The following ABTB3 variants were observed in gnomAD, a reference collection of about 807,000 sequenced individuals.
ABTB3 encodes the protein ankyrin repeat and BTB domain containing 3.
chr12:107,596,538 T>C, the ABTB3 span, among the ~76,000 whole-genome samples: 2 of 151,992 alleles, frequency 1.3e-5, no homozygotes, highest in Non-Finnish European at 2.9e-5. Flanking sequence ...TTGCTTGAAC[T>C]TGGTAGGTGG....
chr12:107,439,593 C>A, the ABTB3 span, among the ~76,000 whole-genome samples: 1 of 152,192 alleles, frequency 6.6e-6, no homozygotes, highest in East Asian at 1.9e-4. Flanking sequence ...CTCTTTTCTC[C>A]CGGCCCAGCA....
the ABTB3 span, among the ~76,000 whole-genome samples, chr12:107,446,658 T>TC: frequency 1.3e-5 from 2 of 152,164 alleles, no homozygotes; most frequent in Non-Finnish European, 1.5e-5. Context: ...CGCATCTGCA[T>TC]CCATCCCCAG....
the ABTB3 span, among the ~76,000 whole-genome samples, chr12:107,332,199 A>C: frequency 6.6e-6 from 1 of 152,146 alleles, no homozygotes; most frequent in South Asian, 2.1e-4. Context: ...TTGCCCTCAC[A>C]TGGGAGTTGG....
chr12:107,491,683 C>T, the ABTB3 span, among the ~76,000 whole-genome samples: 19 of 152,202 alleles, frequency 1.2e-4, no homozygotes, highest in Middle Eastern at 3.4e-3. Flanking sequence ...ATTAACTAGA[C>T]GTGGTGGCAT....
At chr12:107,399,899 C>T in the ABTB3 span, among the ~76,000 whole-genome samples, 29 of 152,278 alleles carry the variant, frequency 1.9e-4, no homozygotes, top group South Asian at 5.4e-3. Flanking sequence ...CATGTGTTCT[C>T]ATTGTTCAAC....
chr12:107,520,624 A>G, the ABTB3 span: 4 of 1,614,202 alleles, frequency 2.5e-6, no homozygotes, highest in South Asian at 4.4e-5. Context: ...CGTAGGCAGC[A>G]TCGCCGAATT....
chr12:107,609,154 CA>C, the ABTB3 span, among the ~76,000 whole-genome samples: 1 of 152,138 alleles, frequency 6.6e-6, no homozygotes, highest in Non-Finnish European at 1.5e-5. Flanking sequence ...TTGCATTTGC[CA>C]CATTGAATTA....
chr12:107,452,202 A>ATTTTTTTTTTTTTTTTTTTTTTTTTT, the ABTB3 span, among the ~76,000 whole-genome samples: 1 of 110,208 alleles, frequency 9.1e-6, no homozygotes, highest in Non-Finnish European at 1.8e-5. Flanking sequence ...GCCCATATGA[A>ATTTTTTTTTTTTTTTTTTTTTTTTTT]TTTTTTTTTT....
At chr12:107,529,001 C>A in the ABTB3 span, among the ~76,000 whole-genome samples, 3 of 137,510 alleles carry the variant, frequency 2.2e-5, no homozygotes, top group South Asian at 2.4e-4. Context: ...ATGGTGATGT[C>A]TGAGATGATG....
chr12:107,617,575 GC>G, the ABTB3 span: 1 of 1,176,404 alleles, frequency 8.5e-7, no homozygotes, highest in Non-Finnish European at 1.2e-6. Flanking sequence ...CCCAGGTCTG[GC>G]CAGAGCGACC....
At chr12:107,579,561 T>C in the ABTB3 span, among the ~76,000 whole-genome samples, 3 of 152,196 alleles carry the variant, frequency 2.0e-5, no homozygotes, top group Non-Finnish European at 4.4e-5. Context: ...ATTATTAACA[T>C]TGGATAAATA....
At chr12:107,431,603 C>T in the ABTB3 span, among the ~76,000 whole-genome samples, 1 of 152,178 alleles carries the variant, frequency 6.6e-6, no homozygotes, top group Non-Finnish European at 1.5e-5. Flanking sequence ...GAGCAAGACT[C>T]TGTCCCCACT....
At chr12:107,564,088 C>CTGTGTGTGTG in the ABTB3 span, among the ~76,000 whole-genome samples, 47 of 138,058 alleles carry the variant, frequency 3.4e-4, no homozygotes, top group East Asian at 1.3e-3. Context: ...CTATCTATCT[C>CTGTGTGTGTG]TCTGTGTGTG....
the ABTB3 span, among the ~76,000 whole-genome samples, chr12:107,615,390 CAG>C: frequency 6.6e-6 from 1 of 152,232 alleles, no homozygotes; most frequent in African/African-American, 2.4e-5. Context: ...GCCTCACACA[CAG>C]AGTGACAGAC....
chr12:107,342,250 T>C, the ABTB3 span, among the ~76,000 whole-genome samples: 1 of 152,016 alleles, frequency 6.6e-6, no homozygotes, highest in Non-Finnish European at 1.5e-5. Flanking sequence ...ATTCCTCATT[T>C]TTTTGGGGGG....
chr12:107,454,907 C>T, the ABTB3 span, among the ~76,000 whole-genome samples: 1 of 152,160 alleles, frequency 6.6e-6, no homozygotes, highest in African/African-American at 2.4e-5. Flanking sequence ...GTGCTGAACA[C>T]CTTATTGTTA....
chr12:107,349,287 C>T, the ABTB3 span, among the ~76,000 whole-genome samples: 1 of 152,180 alleles, frequency 6.6e-6, no homozygotes, highest in South Asian at 2.1e-4. Flanking sequence ...TCATTGTTCT[C>T]TGGAAGCTGG....
chr12:107,371,092 A>G, the ABTB3 span, among the ~76,000 whole-genome samples: 4 of 150,972 alleles, frequency 2.6e-5, no homozygotes, highest in Non-Finnish European at 4.4e-5. Context: ...CTTCCCCCCA[A>G]CCTTATGATA....
the ABTB3 span, among the ~76,000 whole-genome samples, chr12:107,449,034 G>A: frequency 1.3e-5 from 2 of 152,246 alleles, no homozygotes; most frequent in African/African-American, 4.8e-5. Flanking sequence ...TAAAAGAGAG[G>A]CTTGGCTGGA....
Sources: allele counts gnomAD v4.1 joint callset (sites outside exome capture counted in the v4.1 genomes callset), GRCh38; gene constraint gnomAD v4.1.1; transcripts MANE v1.5; gene names NCBI Gene and HGNC (gene_info 2026-07-23, HGNC 2026-07-21).